TUBB8: variants seen among roughly 807,000 people sequenced by gnomAD.
TUBB8 encodes tubulin beta-8 chain.
TUBB8 carries 25 observed loss-of-function variants against 33.7 expected under a neutral mutation model. That is an observed-to-expected ratio of 0.74 (90% CI 0.54 to 1.04). The LOEUF is 1.04. Ranked by LOEUF, TUBB8 falls within the 50% of genes least tolerant of loss-of-function variation. TUBB8 has a pLI of 0.00. For synonymous variants in TUBB8, 245 were observed against 240.1 expected, an observed-to-expected ratio of 1.02 and a Z score of -0.19; for missense variants, 279 against 608.0, an observed-to-expected ratio of 0.46 and a Z score of 5.69.
chr10:53,606 G>A (rs1834494589), upstream of TUBB8, among the ~76,000 whole-genome samples: 1 of 152,192 alleles, frequency 6.6e-6, no homozygotes, highest in Non-Finnish European at 1.5e-5. Context: ...GTTTCAAGAT[G>A]TTTCCCCTCA....
At chr10:70,021 A>T (rs1834716655) in intron 1 of TUBB8, among the ~76,000 whole-genome samples, 1 of 152,136 alleles carries the variant, frequency 6.6e-6, no homozygotes, top group Non-Finnish European at 1.5e-5. Context: ...CAAAACACCT[A>T]AATAAAAGCT....
upstream of TUBB8, among the ~76,000 whole-genome samples, chr10:52,597 G>T (rs1235721237): frequency 3.9e-5 from 6 of 152,180 alleles, no homozygotes; most frequent in African/African-American, 1.2e-4. Context: ...CATTAAAGTC[G>T]GGGCTATTCG....
chr10:76,414 G>C (rs1199232784), upstream of TUBB8, among the ~76,000 whole-genome samples: 2 of 152,030 alleles, frequency 1.3e-5, no homozygotes, highest in Admixed American at 6.6e-5. Context: ...GACGGGAAAC[G>C]CGCCGCGCTC....
At chr10:64,088 C>G (rs1471023466) in intron 1 of TUBB8, among the ~76,000 whole-genome samples, 1 of 152,142 alleles carries the variant, frequency 6.6e-6, no homozygotes, top group Non-Finnish European at 1.5e-5. Flanking sequence ...CTTTCTTTCT[C>G]TGAAACCAGC....
chr10:64,705 A>G (rs372472758), intron 1 of TUBB8, among the ~76,000 whole-genome samples: 11,826 of 113,356 alleles, frequency 0.1, no homozygotes, highest in African/African-American at 0.24. Context: ...ACACTCACAT[A>G]TGCATACCCC....
Position 48,694 on chromosome 10 carries a change from C to T in TUBB8, c.198G>A (p.Val66=), listed in dbSNP as rs1291110595. The T allele has an allele frequency of 4.3e-6, 7 of 1,612,038 alleles. No homozygotes were observed. In the East Asian group the frequency reaches 1.3e-4, roughly 31 times the overall value. The change falls in exon 3 of 4, where the codon GTG becomes GTA. Residue 66 remains valine, a synonymous_variant. Transcript: ENST00000568584. ...AGTCCATGGTGCCCGGCTCCAGATC[C>T]ACGAGCACAGCGCGGGGCACGTACC... ...GGRYVPRAVL[V]DLEPGTMDSV... is the part of the protein sequence containing the mutation.
At chr10:48,318 G>C (rs1299018049) in intron 3 of TUBB8, 6 of 657,094 alleles carry the variant, frequency 9.1e-6, no homozygotes, top group African/African-American at 1.8e-5. Context: ...AACCTGAGAC[G>C]GGTTCACAGA....
At chr10:61,937 G>T (rs549342148) in intron 1 of TUBB8, among the ~76,000 whole-genome samples, 4 of 152,070 alleles carry the variant, frequency 2.6e-5, no homozygotes, top group African/African-American at 4.8e-5. Context: ...GTTTCTATTG[G>T]CATGGAATAA....
intron 1 of TUBB8, among the ~76,000 whole-genome samples, chr10:56,681 C>T (rs1834534848): frequency 6.6e-6 from 1 of 152,202 alleles, no homozygotes. Flanking sequence ...TCATGGAAAT[C>T]CTGCCCTCAT....
At chr10:56,662 C>G (rs1198079431) in intron 1 of TUBB8, among the ~76,000 whole-genome samples, 2 of 152,196 alleles carry the variant, frequency 1.3e-5, no homozygotes, top group Non-Finnish European at 2.9e-5. Flanking sequence ...GGAAATGATG[C>G]CAAACTGTTC....
upstream of TUBB8, among the ~76,000 whole-genome samples, chr10:52,560 A>C (rs1333812023): frequency 6.6e-6 from 1 of 152,276 alleles, no homozygotes; most frequent in Non-Finnish European, 1.5e-5. Flanking sequence ...AAGAGTTATA[A>C]TTAAACTTGG....
intron 1 of TUBB8, among the ~76,000 whole-genome samples, chr10:73,062 C>T (rs1160709642): frequency 3.3e-5 from 5 of 152,122 alleles, no homozygotes; most frequent in East Asian, 1.9e-4. Flanking sequence ...TTTCAACTAA[C>T]TTAGGATGAG....
rs79328844 is a variant in TUBB8 at position 48,576 on chromosome 10, G to A, written c.277+39C>T. The A allele has an allele frequency of 4.9e-5, 76 of 1,545,996 alleles. 1 individual carries two copies. The East Asian group carries it at 1.2e-3, about 25-fold the overall frequency. On this transcript the variant is annotated intron_variant, in intron 3 of 3. Transcript: ENST00000568584. ...ACACTCCTGGATTTTGAGCTGCCCT[G>A]GCTAAGGAGCCGCACCCCAGTCCTC...
At chr10:54,508 A>G (rs1186260923) in intron 1 of TUBB8, among the ~76,000 whole-genome samples, 1 of 151,902 alleles carries the variant, frequency 6.6e-6, no homozygotes, top group African/African-American at 2.4e-5. Flanking sequence ...TGACTTCTGG[A>G]TAAAAGCCAC....
intron 1 of TUBB8, among the ~76,000 whole-genome samples, chr10:63,743 C>T (rs1834631684): frequency 6.6e-6 from 1 of 152,250 alleles, no homozygotes; most frequent in African/African-American, 2.4e-5. Context: ...TTTTGGATTT[C>T]CTGTATGAAA....
intron 1 of TUBB8, among the ~76,000 whole-genome samples, chr10:58,427 T>C (rs1287296832): frequency 6.6e-6 from 1 of 152,242 alleles, no homozygotes; most frequent in Non-Finnish European, 1.5e-5. Flanking sequence ...ATTAAGCTTT[T>C]TCCCCATCAC....
upstream of TUBB8, among the ~76,000 whole-genome samples, chr10:75,865 G>A (rs1554743141): frequency 2.0e-5 from 3 of 151,930 alleles, no homozygotes; most frequent in African/African-American, 7.3e-5. Context: ...CTGGCCAGGC[G>A]AGATGGCTCA....
At chr10:63,856 A>AT (rs1351669095) in intron 1 of TUBB8, among the ~76,000 whole-genome samples, 1 of 152,024 alleles carries the variant, frequency 6.6e-6, no homozygotes, top group Admixed American at 6.5e-5. Flanking sequence ...ATAGATGTTC[A>AT]TCTATATCTG....
intron 1 of TUBB8, among the ~76,000 whole-genome samples, chr10:73,501 G>GGCGT (rs1411956360): frequency 6.6e-6 from 1 of 152,176 alleles, no homozygotes; most frequent in Non-Finnish European, 1.5e-5. Flanking sequence ...AAATTAGCCG[G>GGCGT]GCGTGCTGGC....
Sources: allele counts gnomAD v4.1 joint callset (sites outside exome capture counted in the v4.1 genomes callset), GRCh38; gene constraint gnomAD v4.1.1; transcripts MANE v1.5; gene names NCBI Gene and HGNC (gene_info 2026-07-23, HGNC 2026-07-21).